Variants in LNP1 observed in about 807,000 individuals in gnomAD.
LNP1 encodes the protein leukemia NUP98 fusion partner 1.
In LNP1, 12 loss-of-function variants were observed where a neutral mutation model predicts 14.5. The observed-to-expected ratio is 0.83, with a 90% CI of 0.53 to 1.34. LNP1 has a LOEUF of 1.34. LNP1 is among the 40% of genes most tolerant of loss of function. The pLI is 0.00. For missense variants in LNP1, 198 were observed against 210.9 expected, an observed-to-expected ratio of 0.94 and a Z score of 0.38; for synonymous variants, 75 against 71.4, an observed-to-expected ratio of 1.05 and a Z score of -0.26.
chr3:100,455,711 A>G, intron 3 of LNP1, 66 bp from the exon 4 acceptor site: 1 of 1,467,074 alleles, frequency 6.8e-7, no homozygotes, highest in Admixed American at 1.8e-5. Flanking sequence ...TCTGATTATT[A>G]AGAGAAATGT....
At chr3:100,416,702 ACATTTTT>A (rs1707087829) in intron 1 of LNP1, among the ~76,000 whole-genome samples, 2 of 141,062 alleles carry the variant, frequency 1.4e-5, no homozygotes, top group African/African-American at 2.8e-5. Flanking sequence ...ATATATAAAT[ACATTTTT>A]TTGTTTTGAT....
intron 1 of LNP1, among the ~76,000 whole-genome samples, chr3:100,427,591 GT>G (rs974303489): frequency 6.6e-6 from 1 of 152,148 alleles, no homozygotes; most frequent in Non-Finnish European, 1.5e-5. Flanking sequence ...GGTTTGGGTT[GT>G]TTTTTTAGCA....
At chr3:100,454,136 TTG>T (rs1320874229) in intron 3 of LNP1, among the ~76,000 whole-genome samples, 1 of 152,188 alleles carries the variant, frequency 6.6e-6, no homozygotes, top group Non-Finnish European at 1.5e-5. Context: ...ATTCTTCCTT[TTG>T]GGTTCCAAGA....
intron 1 of LNP1, among the ~76,000 whole-genome samples, chr3:100,410,128 T>G (rs969360902): frequency 2.0e-5 from 3 of 152,004 alleles, no homozygotes; most frequent in Non-Finnish European, 4.4e-5. Context: ...TTGGAACTGA[T>G]TGATGGGTAC....
chr3:100,448,349 C>T (rs1028514746), intron 2 of LNP1, among the ~76,000 whole-genome samples: 4 of 152,118 alleles, frequency 2.6e-5, no homozygotes, highest in African/African-American at 9.7e-5. Context: ...GACTAGACTG[C>T]CTAAAACCAC....
intron 1 of LNP1, among the ~76,000 whole-genome samples, chr3:100,411,462 A>T (rs1467809099): frequency 6.6e-6 from 1 of 152,260 alleles, no homozygotes. Context: ...GTATGTAAGA[A>T]GGGCATGAAT....
At chr3:100,439,396 T>C (rs1707323421) in intron 2 of LNP1, among the ~76,000 whole-genome samples, 1 of 152,080 alleles carries the variant, frequency 6.6e-6, no homozygotes, top group South Asian at 2.1e-4. Flanking sequence ...AATCCCTCAA[T>C]GTCTCATTCC....
chr3:100,452,059 G>A, intron 3 of LNP1, 110 bp downstream of exon 3: 13 of 593,380 alleles, frequency 2.2e-5, no homozygotes, highest in Middle Eastern at 3.5e-4. Context: ...TTTACAGCTT[G>A]GTAATAAGAT....
At chr3:100,405,555 AT>A (rs1208354542) in intron 1 of LNP1, among the ~76,000 whole-genome samples, 3 of 152,128 alleles carry the variant, frequency 2.0e-5, no homozygotes, top group Non-Finnish European at 4.4e-5. Context: ...AGGACTGCAA[AT>A]TTGGTTTGTG....
At chr3:100,410,483 A>G (rs1443570830) in intron 1 of LNP1, among the ~76,000 whole-genome samples, 2 of 152,218 alleles carry the variant, frequency 1.3e-5, no homozygotes, top group Non-Finnish European at 2.9e-5. Context: ...AATTGGATAC[A>G]TAGCAGAGGA....
At chr3:100,436,298 T>TA (rs1707293639) in intron 2 of LNP1, among the ~76,000 whole-genome samples, 1 of 152,174 alleles carries the variant, frequency 6.6e-6, no homozygotes, top group Admixed American at 6.6e-5. Flanking sequence ...TTGTTGTGTC[T>TA]AAACCATAAA....
At position 100,455,820 on chromosome 3, in the gene LNP1, G is replaced by A; in HGVS notation, c.431G>A (p.Arg144Lys). The A allele has an allele frequency of 1.2e-6, 2 of 1,614,056 alleles. No individual in the cohort carries two copies. Among genetic ancestry groups the A allele is most frequent in the Middle Eastern group, 1.6e-4 (1 of 6,062 alleles). Residue 144 changes from arginine (R) to lysine (K), a missense_variant, in exon 4 of 4, where the codon AGG becomes AAG. Arg to Lys is a conservative substitution (Grantham distance 26, BLOSUM62 2). Transcript: ENST00000383693. Reference protein sequence around the residue: ...RKERNERECLRMEIKSRKKVE... With the variant: ...RKERNERECLKMEIKSRKKVE... Reference sequence around the variant, plus strand: ...GAGAGAAATGAAAGAGAATGCCTGAGGATGGAGATAAAATCCCGAAAGAAA... The same window carrying A: ...GAGAGAAATGAAAGAGAATGCCTGAAGATGGAGATAAAATCCCGAAAGAAA...
In LNP1 at chr3:100,455,614, C is replaced by T. The variant is rs370830247; in HGVS notation, c.388-163C>T. 4.6e-5 allele frequency among the ~76,000 whole-genome samples: 7 copies of T among 152,282 alleles called. No homozygotes were observed. In the East Asian group the frequency reaches 5.8e-4, roughly 13 times the overall value. On this transcript the variant is annotated intron_variant, in intron 3 of 3. Coordinates refer to ENST00000383693, the MANE Select transcript of LNP1 (RefSeq NM_001085451.2). ...TCTATTCTTTTCTTTGTGACCGAAACCTTTAGCAACATCCTTAGGTTTATG... is the reference window on the plus strand; with the variant it reads ...TCTATTCTTTTCTTTGTGACCGAAATCTTTAGCAACATCCTTAGGTTTATG...
At chr3:100,436,660 G>T (rs1461681271) in intron 2 of LNP1, among the ~76,000 whole-genome samples, 1 of 152,014 alleles carries the variant, frequency 6.6e-6, no homozygotes, top group Non-Finnish European at 1.5e-5. Context: ...ATTACAATGG[G>T]AAGATAATTG....
At chr3:100,446,327 C>G (rs1020721283) in intron 2 of LNP1, among the ~76,000 whole-genome samples, 2 of 152,188 alleles carry the variant, frequency 1.3e-5, no homozygotes, top group African/African-American at 4.8e-5. Flanking sequence ...TTTGACAAAT[C>G]TGACAAAAAC....
At chr3:100,426,236 C>A (rs1025668608) in intron 1 of LNP1, among the ~76,000 whole-genome samples, 1 of 152,224 alleles carries the variant, frequency 6.6e-6, no homozygotes, top group Non-Finnish European at 1.5e-5. Context: ...TATGGCCCCA[C>A]AGAGGAGTGT....
At chr3:100,410,607 A>C (rs756590313) in intron 1 of LNP1, among the ~76,000 whole-genome samples, 5 of 152,218 alleles carry the variant, frequency 3.3e-5, no homozygotes, top group Non-Finnish European at 7.4e-5. Flanking sequence ...AGGAGCCAGA[A>C]CATGGAGATT....
intron 1 of LNP1, among the ~76,000 whole-genome samples, chr3:100,405,249 A>G (rs114152902): frequency 0.016 from 2,407 of 152,312 alleles, 31 homozygotes; most frequent in African/African-American, 0.042. Flanking sequence ...ACACAAAATC[A>G]GCTGTGAAGT....
At position 100,401,950 on chromosome 3, in the gene LNP1, G is replaced by GT. The variant is rs1706913136; in HGVS notation, c.-522dup. ...CCGCCGGCTTCGAGCCTTTCTTGGC[G>GT]TATTTGTATCTTGAGCTGATTTCTG... On this transcript the variant is annotated 5_prime_UTR_variant, in exon 1 of 4. An upstream open reading frame in the 5' UTR gains an earlier in-frame stop. Coordinates refer to ENST00000383693, the MANE Select transcript of LNP1 (RefSeq NM_001085451.2). The GT allele has an allele frequency of 6.6e-6, 1 of 152,178 alleles. No homozygotes were observed. The highest frequency in any genetic ancestry group is 2.1e-4 in the South Asian group (1 of 4,826). 9.4% of individuals were successfully genotyped at this position (152,178 alleles called of 1,614,324 possible).
Sources: allele counts gnomAD v4.1 joint callset (sites outside exome capture counted in the v4.1 genomes callset), GRCh38; gene constraint gnomAD v4.1.1; transcripts MANE v1.5; gene names NCBI Gene and HGNC (gene_info 2026-07-23, HGNC 2026-07-21).